The following SEM1 variants were observed in gnomAD, a reference collection of about 807,000 sequenced individuals.
The protein encoded by SEM1 is SEM1 26S proteasome subunit.
Under a neutral mutation model 12.7 loss-of-function variants are expected in SEM1, and 3 were observed. That is an observed-to-expected ratio of 0.24 (90% CI 0.11 to 0.61). The LOEUF (loss-of-function observed/expected upper bound fraction) is 0.61, where lower values mean the gene tolerates loss of function less well. Ranked by LOEUF, SEM1 falls within the 20% of genes least tolerant of loss-of-function variation. SEM1 has a pLI of 0.88. For synonymous variants in SEM1, 30 were observed against 27.8 expected, an observed-to-expected ratio of 1.08 and a Z score of -0.25; for missense variants, 59 against 81.3, an observed-to-expected ratio of 0.73 and a Z score of 1.06.
chr7:96,568,422 T>A (rs1279683645), intron 2 of SEM1, among the ~76,000 whole-genome samples: 2 of 151,876 alleles, frequency 1.3e-5, no homozygotes, highest in Non-Finnish European at 1.5e-5. Context: ...GCGCAATTTT[T>A]AAAATTCATT....
upstream of SEM1, among the ~76,000 whole-genome samples, chr7:96,497,089 T>G (rs990443823): frequency 1.1e-4 from 16 of 152,100 alleles, no homozygotes; most frequent in African/African-American, 3.9e-4. Flanking sequence ...GTAATAATGC[T>G]TAATATTAGT....
intron 2 of SEM1, among the ~76,000 whole-genome samples, chr7:96,602,609 C>T (rs1807228847): frequency 6.6e-6 from 1 of 152,150 alleles, no homozygotes; most frequent in Non-Finnish European, 1.5e-5. Context: ...TGGGTAGTAA[C>T]CCCTGCCTTG....
exon 4 of SEM1, chr7:96,483,087 A>G (rs1264017033): frequency 6.6e-6 from 1 of 152,220 alleles, no homozygotes; most frequent in Admixed American, 6.5e-5. Flanking sequence ...AGTAAGGCTA[A>G]CTACCATTTA....
chr7:96,625,240 C>T (rs1808025053), intron 2 of SEM1, among the ~76,000 whole-genome samples: 1 of 152,206 alleles, frequency 6.6e-6, no homozygotes, highest in African/African-American at 2.4e-5. Context: ...AAGCAATTCA[C>T]ACTTTATATT....
At chr7:96,541,607 G>T (rs1379408361) in intron 2 of SEM1, among the ~76,000 whole-genome samples, 1 of 151,104 alleles carries the variant, frequency 6.6e-6, no homozygotes, top group Non-Finnish European at 1.5e-5. Context: ...GTTTAATTAG[G>T]TCCCACTTAT....
downstream of SEM1, among the ~76,000 whole-genome samples, chr7:96,686,267 C>T (rs1273963398): frequency 6.6e-6 from 1 of 152,098 alleles, no homozygotes; most frequent in Non-Finnish European, 1.5e-5. Flanking sequence ...GTGTTTTTAT[C>T]ATCCTGATGT....
chr7:96,679,496 G>T (rs1789541457), intron 2 of SEM1, among the ~76,000 whole-genome samples: 1 of 152,000 alleles, frequency 6.6e-6, no homozygotes, highest in Non-Finnish European at 1.5e-5. Flanking sequence ...TAATCTTGGT[G>T]ATCGATTTGT....
chr7:96,581,597 C>T (rs1806410607), intron 2 of SEM1, among the ~76,000 whole-genome samples: 1 of 152,154 alleles, frequency 6.6e-6, no homozygotes, highest in Non-Finnish European at 1.5e-5. Context: ...TTCTTCCTAC[C>T]CATGAGCATG....
intron 3 of SEM1, among the ~76,000 whole-genome samples, chr7:96,502,392 C>G (rs967490357): frequency 6.6e-6 from 1 of 152,122 alleles, no homozygotes; most frequent in African/African-American, 2.4e-5. Context: ...TAGTGGCAGT[C>G]TGAAACACTG....
chr7:96,615,650 A>G (rs150166300), intron 2 of SEM1, among the ~76,000 whole-genome samples: 226 of 152,326 alleles, frequency 1.5e-3, no homozygotes, highest in African/African-American at 5.2e-3. Flanking sequence ...AAATGTGTAT[A>G]TTGCGTAGTA....
chr7:96,602,892 C>T (rs765221687), intron 2 of SEM1, among the ~76,000 whole-genome samples: 4 of 152,028 alleles, frequency 2.6e-5, no homozygotes, highest in Non-Finnish European at 5.9e-5. Context: ...TAGAAGGTGA[C>T]GTACAGCCAG....
chr7:96,591,693 A>G (rs1806833743), intron 2 of SEM1, among the ~76,000 whole-genome samples: 1 of 152,070 alleles, frequency 6.6e-6, no homozygotes, highest in South Asian at 2.1e-4. Flanking sequence ...AGTTCCTTAC[A>G]TGGGGTCTTT....
chr7:96,601,362 G>T (rs563544972), intron 2 of SEM1, among the ~76,000 whole-genome samples: 1 of 152,276 alleles, frequency 6.6e-6, no homozygotes, highest in East Asian at 1.9e-4. Flanking sequence ...GGTAATAGGG[G>T]TTTAGAAGGA....
chr7:96,647,695 T>C (rs533231215), intron 2 of SEM1, among the ~76,000 whole-genome samples: 5 of 152,266 alleles, frequency 3.3e-5, no homozygotes, highest in South Asian at 2.1e-4. Context: ...CATGAACACA[T>C]TGTAATTGTA....
rs758163833 is a variant in SEM1 at position 96,709,692 on chromosome 7, G to C, written c.72C>G (p.Ala24=). The change falls in exon 1 of 3, where the codon GCC becomes GCG. Residue 24 remains alanine (A), a synonymous_variant. Transcript: ENST00000248566. ...AAACCGGGGCCCAGCGGTTACCTTCGGCAGGGAACTCTTCAAACTCGTCGT... is the reference window on the plus strand; with the variant it reads ...AAACCGGGGCCCAGCGGTTACCTTCCGCAGGGAACTCTTCAAACTCGTCGT... ...EEDDEFEEFP[A]EDWAGLDEDE... 1 of 1,612,992 alleles carries C rather than the reference G, an allele frequency of 6.2e-7. No individual in the cohort carries two copies. Among genetic ancestry groups the C allele is most frequent in the Non-Finnish European group, 8.5e-7 (1 of 1,179,498 alleles).
intron 2 of SEM1, among the ~76,000 whole-genome samples, chr7:96,578,308 C>T (rs529282662): frequency 4.9e-4 from 74 of 150,884 alleles, no homozygotes; most frequent in Non-Finnish European, 8.0e-4. Context: ...CATTTAGATA[C>T]GCAATGAAAC....
intron 3 of SEM1, among the ~76,000 whole-genome samples, chr7:96,501,403 TGATTTAG>T (rs1803533105): frequency 6.6e-6 from 1 of 152,108 alleles, no homozygotes; most frequent in Non-Finnish European, 1.5e-5. Flanking sequence ...TTCAACTCTC[TGATTTAG>T]GGCATCTTAG....
At chr7:96,495,741 C>T (rs1460199279) in intron 1 of SEM1, among the ~76,000 whole-genome samples, 1 of 152,148 alleles carries the variant, frequency 6.6e-6, no homozygotes, top group Non-Finnish European at 1.5e-5. Context: ...TAACATCTTT[C>T]ACTTTGAATA....
At chr7:96,626,309 C>A (rs1255965492) in intron 2 of SEM1, among the ~76,000 whole-genome samples, 1 of 152,122 alleles carries the variant, frequency 6.6e-6, no homozygotes, top group Non-Finnish European at 1.5e-5. Context: ...TTTCACTTAA[C>A]ATAATGACCT....
Sources: allele counts gnomAD v4.1 joint callset (sites outside exome capture counted in the v4.1 genomes callset), GRCh38; gene constraint gnomAD v4.1.1; transcripts MANE v1.5; gene names NCBI Gene and HGNC (gene_info 2026-07-23, HGNC 2026-07-21).